The following FSTL1 variants were observed in gnomAD, a reference collection of about 807,000 sequenced individuals.
FSTL1 encodes follistatin-related protein 1.
FSTL1 carries 24 observed loss-of-function variants against 45.9 expected under a neutral mutation model. The observed-to-expected ratio is 0.52, with a 90% CI of 0.38 to 0.74. The LOEUF is 0.74. FSTL1 is among the 30% of genes least tolerant of loss of function. The pLI is 0.00. For missense variants in FSTL1, 340 were observed against 381.8 expected, an observed-to-expected ratio of 0.89 and a Z score of 0.91; for synonymous variants, 120 against 137.6, an observed-to-expected ratio of 0.87 and a Z score of 0.89.
chr3:120,428,238 A>G (rs776308463), intron 2 of FSTL1, among the ~76,000 whole-genome samples: 26 of 152,210 alleles, frequency 1.7e-4, no homozygotes, highest in Non-Finnish European at 3.8e-4. Context: ...AGTTGCCGGG[A>G]CAGCAAAGCC....
chr3:120,395,450 A>G lies in FSTL1; in HGVS notation c.*1502T>C, dbSNP rs1936676739. 2.8e-6 allele frequency: 1 copy of G among 354,102 alleles called. No individual in the cohort carries two copies. The highest frequency in any genetic ancestry group is 2.2e-5 in the African/African-American group (1 of 46,154). 21.9% of individuals were successfully genotyped at this position (354,102 alleles called of 1,614,324 possible). On this transcript the variant is annotated 3_prime_UTR_variant, in exon 11 of 11. Coordinates refer to ENST00000295633, the MANE Select transcript of FSTL1 (RefSeq NM_007085.5). ...CCTGTTGAATCTGAAACTTTCTTTT[A>G]TCCTCATCTCTAAGGGAATGCTTTC... is the stretch of plus-strand genomic sequence containing the variant.
chr3:120,400,973 T>C (rs1936815203), intron 9 of FSTL1, among the ~76,000 whole-genome samples: 1 of 152,234 alleles, frequency 6.6e-6, no homozygotes, highest in Admixed American at 6.5e-5. Context: ...CAACATCCCA[T>C]GAAGCTGATC....
intron 2 of FSTL1, among the ~76,000 whole-genome samples, chr3:120,424,814 T>C (rs1259306): frequency 0.94 from 142,669 of 151,992 alleles, 67,581 homozygotes; most frequent in East Asian, 1. Flanking sequence ...AGAAATGAAG[T>C]CTGGGAAAGG....
In FSTL1 at chr3:120,394,452, G is replaced by T. The variant is rs958593762; in HGVS notation, c.*2500C>A. 6.6e-6 allele frequency: 1 copy of T among 152,198 alleles called. No homozygotes were observed. Among genetic ancestry groups the T allele is most frequent in the African/African-American group, 2.4e-5 (1 of 41,458 alleles). 9.4% of individuals were successfully genotyped at this position (152,198 alleles called of 1,614,324 possible). On this transcript the variant is annotated 3_prime_UTR_variant, in exon 11 of 11. Transcript: ENST00000295633. ...GAAGTTTGACTACTTAAAAACATAG[G>T]TGTAAAGGAAAGACATTCAGACTGG...
chr3:120,409,738 A>G (rs1576211934), intron 5 of FSTL1, 76 bp from the exon 6 acceptor site: 1 of 1,398,900 alleles, frequency 7.1e-7, no homozygotes, highest in East Asian at 2.3e-5. Context: ...ACTGTGTGGG[A>G]GCATCCGTGC....
At chr3:120,450,846 C>A (rs1187510828) in intron 1 of FSTL1, 51 bp downstream of exon 1, 4 of 775,014 alleles carry the variant, frequency 5.2e-6, no homozygotes, top group Non-Finnish European at 7.7e-6. Context: ...CGCCCAAGCA[C>A]CCCCGGCCGC....
intron 1 of FSTL1, 39 bp from the exon 2 acceptor site, chr3:120,450,785 GC>G: frequency 2.0e-6 from 3 of 1,464,224 alleles, no homozygotes; most frequent in African/African-American, 1.5e-5. Context: ...AAGGCGCCGG[GC>G]CCCGCGCTGA....
intron 2 of FSTL1, among the ~76,000 whole-genome samples, chr3:120,417,541 G>A (rs1338576581): frequency 1.3e-5 from 2 of 152,214 alleles, no homozygotes; most frequent in Non-Finnish European, 2.9e-5. Context: ...AGCAGGCGGG[G>A]AAGAAAGAGG....
At position 120,396,293 on chromosome 3, in the gene FSTL1, A is replaced by C. The variant is rs1402538517; in HGVS notation, c.*659T>G. 4 of 152,716 alleles carry C rather than the reference A, an allele frequency of 2.6e-5. No individual in the cohort carries two copies. The highest frequency in any genetic ancestry group is 5.9e-5 in the Non-Finnish European group (4 of 68,194). 9.5% of individuals were successfully genotyped at this position (152,716 alleles called of 1,614,324 possible). A position where few individuals can be genotyped will look rare whatever the true frequency, so the allele number is the denominator to read the frequency against. ...TCAACTTGCCAAAAAAAAGTGTTTTACAGAGAAATAGCACCTTTGGTAAAA... is the reference window on the plus strand; with the variant it reads ...TCAACTTGCCAAAAAAAAGTGTTTTCCAGAGAAATAGCACCTTTGGTAAAA... On this transcript the variant is annotated 3_prime_UTR_variant, in exon 11 of 11. Transcript: ENST00000295633.
intron 2 of FSTL1, among the ~76,000 whole-genome samples, chr3:120,444,876 C>T (rs1279357504): frequency 6.7e-6 from 1 of 149,494 alleles, no homozygotes; most frequent in East Asian, 1.9e-4. Context: ...AATCATTTGC[C>T]GGCGCTTCAA....
At position 120,399,903 on chromosome 3, in the gene FSTL1, G is replaced by A; in HGVS notation, c.862C>T (p.Gln288Ter). Reference sequence around the variant, plus strand: ...CTCACCTGATGCTTTTGGAGCTCCTGGACATATCTGGTCATCTCCTCCTCT... The same window carrying A: ...CTCACCTGATGCTTTTGGAGCTCCTAGACATATCTGGTCATCTCCTCCTCT... The part of the protein sequence containing the change: ...QTEEEMTRYV[Q>*]ELQKHQETAE... The change falls in exon 10 of 11, where the codon CAG (glutamine) becomes TAG (stop). Residue 288 changes from glutamine (Q) to a stop codon, truncating the protein, a stop_gained. Transcript: ENST00000295633. LOFTEE classifies it high-confidence loss of function. The A allele has an allele frequency of 6.2e-7, 1 of 1,606,984 alleles. No individual in the cohort carries two copies. The highest frequency in any genetic ancestry group is 8.5e-7 in the Non-Finnish European group (1 of 1,176,250).
chr3:120,404,925 T>G lies in FSTL1; in HGVS notation c.509A>C (p.Lys170Thr). The change falls in exon 7 of 11, where the codon AAG (lysine) becomes ACG (threonine). Residue 170 changes from lysine (K) to threonine (T), a missense_variant. Coordinates refer to ENST00000295633, the MANE Select transcript of FSTL1 (RefSeq NM_007085.5). ...DSRLDSSEFL[K>T]FVEQNETAIN... ...GGCAGTTTCATTCTGTTCCACAAAC[T>G]TCAGGAATTCACTGGAGTCCAGGCG... The G allele has an allele frequency of 6.2e-7, 1 of 1,606,850 alleles. No homozygotes were observed. The highest frequency in any genetic ancestry group is 8.5e-7 in the Non-Finnish European group (1 of 1,173,290).
Position 120,404,950 on chromosome 3 carries a change from G to A in FSTL1, c.484C>T (p.Arg162Cys), listed in dbSNP as rs150197564. The A allele has an allele frequency of 3.8e-5, 61 of 1,587,696 alleles. 1 individual carries two copies. Among genetic ancestry groups the A allele is most frequent in the South Asian group, 2.0e-4 (18 of 90,578 alleles). ...TTCAGGAATTCACTGGAGTCCAGGC[G>A]AGAATCACCATTATCAAAGTTCTAG... Reference protein sequence around the residue: ...YFKNFDNGDSRLDSSEFLKFV... With the variant: ...YFKNFDNGDSCLDSSEFLKFV... Residue 162 changes from arginine (R) to cysteine (C), a missense_variant, in exon 7 of 11, where the codon CGC becomes TGC. Physicochemically the swap from Arg to Cys is radical, Grantham distance 180. Transcript: ENST00000295633.
intron 8 of FSTL1, among the ~76,000 whole-genome samples, 157 bp from the exon 9 acceptor site, chr3:120,403,075 T>C (rs928428492): frequency 6.6e-6 from 1 of 152,040 alleles, no homozygotes; most frequent in Non-Finnish European, 1.5e-5. Flanking sequence ...ACCTAAAGAA[T>C]GTGGGGCCCT....
chr3:120,398,962 A>C (rs1936761663), intron 10 of FSTL1, among the ~76,000 whole-genome samples: 1 of 152,222 alleles, frequency 6.6e-6, no homozygotes, highest in Non-Finnish European at 1.5e-5. Flanking sequence ...AGATTTCTAT[A>C]CTATCAGTGA....
At chr3:120,435,727 C>A (rs1937541015) in intron 2 of FSTL1, among the ~76,000 whole-genome samples, 1 of 152,226 alleles carries the variant, frequency 6.6e-6, no homozygotes, top group Non-Finnish European at 1.5e-5. Context: ...TCTTTACATT[C>A]CAGGCCACTG....
Position 120,414,172 on chromosome 3 carries a change from G to A in FSTL1, c.168+1751C>T, listed in dbSNP as rs1041986338. Among the ~76,000 whole-genome samples the A allele has an allele frequency of 7.7e-3, 1,171 of 152,280 alleles. 18 individuals carry two copies. Among genetic ancestry groups the A allele is most frequent in the African/African-American group, 0.027 (1,116 of 41,558 alleles). ...GCCGCCTGCCTTGGCCTCCCAAAGT[G>A]CCGAGATTGCAGCCTCTGCCTGGCT... On this transcript the variant is annotated intron_variant, in intron 3 of 10. Coordinates refer to ENST00000295633, the MANE Select transcript of FSTL1 (RefSeq NM_007085.5).
rs376662981 is a variant in FSTL1 at position 120,409,711 on chromosome 3, A to C, written c.332-49T>G. 4 of 1,598,654 alleles carry C rather than the reference A, an allele frequency of 2.5e-6. No individual in the cohort carries two copies. In the South Asian group the frequency reaches 4.4e-5, roughly 18 times the overall value. On this transcript the variant is annotated intron_variant, in intron 5 of 10. Transcript: ENST00000295633. ...GCTGGAGCAGTCAGGGGAGGACCCCAGTGATATCTGGCACCCACTGTGTGG... is the reference window on the plus strand; with the variant it reads ...GCTGGAGCAGTCAGGGGAGGACCCCCGTGATATCTGGCACCCACTGTGTGG...
intron 10 of FSTL1, 77 bp downstream of exon 10, chr3:120,399,806 G>T: frequency 1.1e-6 from 1 of 911,600 alleles, no homozygotes; most frequent in South Asian, 1.4e-5. Flanking sequence ...GTCTCCTGGG[G>T]CACTGGGCAG....
Sources: gnomAD v4.1 joint callset for allele counts (sites outside exome capture counted in the v4.1 genomes callset) on GRCh38, gnomAD v4.1.1 for gene constraint, MANE v1.5 for transcripts, NCBI Gene and HGNC (gene_info 2026-07-23, HGNC 2026-07-21) for gene names.